Variants in RFFL observed in about 807,000 individuals in gnomAD.
The protein encoded by RFFL is ring finger and FYVE like domain containing E3 ubiquitin protein ligase.
RFFL carries 16 observed loss-of-function variants against 40.4 expected under a neutral mutation model. The observed-to-expected ratio is 0.40, with a 90% CI of 0.27 to 0.60. RFFL has a LOEUF of 0.60. RFFL is among the 20% of genes least tolerant of loss of function. The pLI is 0.47. For synonymous variants in RFFL, 154 were observed against 167.9 expected (o/e 0.92, Z 0.64); for missense variants, 367 against 451.7 (o/e 0.81, Z 1.70).
upstream of RFFL, among the ~76,000 whole-genome samples, chr17:35,066,000 C>G (rs964386828): frequency 9.2e-5 from 14 of 152,122 alleles, no homozygotes; most frequent in African/African-American, 3.4e-4. Context: ...TGGCATACAC[C>G]TCTAACCCCA....
At chr17:35,016,303 A>G (rs991287882) in intron 5 of RFFL, 67 bp downstream of exon 5, 2 of 1,421,072 alleles carry the variant, frequency 1.4e-6, no homozygotes, top group East Asian at 2.3e-5. Context: ...GGTCAATACC[A>G]TCATGCTTTG....
At position 35,021,587 on chromosome 17, in the gene RFFL, C is replaced by T. The variant is rs1480813423; in HGVS notation, c.375G>A (p.Glu125=). ...GGACCAAGAGCACCAGCTCTTCTTT[C>T]TCCCGGCACATTTCGGTAGAGATGT... ...LHDISTEMCR[E]KEELVLLVLG... The change falls in exon 3 of 7, where the codon GAG becomes GAA. Residue 125 remains glutamate, a synonymous_variant. Transcript: ENST00000394597. 6.2e-7 allele frequency: 1 copy of T among 1,614,104 alleles called. No individual in the cohort carries two copies. Among genetic ancestry groups the T allele is most frequent in the Non-Finnish European group, 8.5e-7 (1 of 1,180,048 alleles).
At chr17:35,080,552 TAAG>T (rs2091398818) in intron 1 of RFFL, among the ~76,000 whole-genome samples, 1 of 152,172 alleles carries the variant, frequency 6.6e-6, no homozygotes, top group South Asian at 2.1e-4. Context: ...ACGATTTACT[TAAG>T]AAAAGCTTTT....
intron 1 of RFFL, among the ~76,000 whole-genome samples, chr17:35,046,484 T>C (rs963556258): frequency 1.3e-5 from 2 of 151,926 alleles, no homozygotes; most frequent in Admixed American, 6.6e-5. Flanking sequence ...CCAAGCAAGG[T>C]GGAAGGAGAA....
At chr17:35,075,207 A>C (rs368819735) in intron 1 of RFFL, among the ~76,000 whole-genome samples, 2 of 152,224 alleles carry the variant, frequency 1.3e-5, no homozygotes, top group African/African-American at 4.8e-5. Flanking sequence ...ACAGTCATCA[A>C]GGAGGAAAGA....
intron 1 of RFFL, among the ~76,000 whole-genome samples, chr17:35,071,618 TC>T (rs1207167669): frequency 3.4e-5 from 5 of 148,108 alleles, no homozygotes; most frequent in African/African-American, 1.3e-4. Context: ...TGAGACACTG[TC>T]CAAAAAAAAA....
At chr17:35,021,230 G>A (rs1420742018) in intron 3 of RFFL, 141 bp downstream of exon 3, 2 of 796,424 alleles carry the variant, frequency 2.5e-6, no homozygotes, top group African/African-American at 3.6e-5. Flanking sequence ...GAAAACACTT[G>A]GTGCACCAGT....
At chr17:35,058,930 T>C (rs1271590051) in intron 1 of RFFL, among the ~76,000 whole-genome samples, 2 of 151,912 alleles carry the variant, frequency 1.3e-5, no homozygotes, top group East Asian at 3.9e-4. Context: ...GCAAAAGTGA[T>C]GATGTATGAC....
In RFFL at chr17:35,010,802, G is replaced by C. The variant is rs887561883; in HGVS notation, c.*1166C>G. 3 of 151,756 alleles carry C rather than the reference G, an allele frequency of 2.0e-5. No individual in the cohort carries two copies. Among genetic ancestry groups the C allele is most frequent in the Non-Finnish European group, 4.4e-5 (3 of 68,026 alleles). 9.4% of individuals were successfully genotyped at this position (151,756 alleles called of 1,614,324 possible). On this transcript the variant is annotated 3_prime_UTR_variant, in exon 7 of 7. Transcript: ENST00000394597. ...CTGCCCCCAAAAATCAGTGGGCTAG[G>C]AAAGGGAATGAAAGTAGGGTCTCCT...
intron 1 of RFFL, chr17:35,074,040 A>G (rs1311532572): frequency 6.6e-6 from 1 of 152,224 alleles, no homozygotes; most frequent in Non-Finnish European, 1.5e-5. Context: ...TTATGAATAA[A>G]ACTATTCTTT....
intron 4 of RFFL, 141 bp downstream of exon 4, chr17:35,017,381 AC>A (rs2090980651): frequency 3.1e-6 from 2 of 642,500 alleles, no homozygotes; most frequent in East Asian, 5.7e-5. Context: ...GAACACTAAC[AC>A]TAAACCCTAC....
Position 35,007,796 on chromosome 17 carries a change from A to G in RFFL, c.*4172T>C, listed in dbSNP as rs2090906114. ...ATTCAGGCTGGAGTGCAGTGGTGCA[A>G]TCTCAGCTCACTGCAACCTCTGCTT... On this transcript the variant is annotated 3_prime_UTR_variant, in exon 7 of 7. Coordinates refer to ENST00000394597, the MANE Select transcript of RFFL (RefSeq NM_001017368.2). 1 of 151,168 alleles carries G rather than the reference A, an allele frequency of 6.6e-6. No individual in the cohort carries two copies. The highest frequency in any genetic ancestry group is 2.1e-4 in the South Asian group (1 of 4,782). The allele number at this position is 151,168 out of a possible 1,614,324, so 9.4% of individuals were successfully genotyped here.
chr17:35,030,750 T>G (rs564653456), intron 1 of RFFL, among the ~76,000 whole-genome samples: 5 of 152,088 alleles, frequency 3.3e-5, no homozygotes, highest in African/African-American at 1.2e-4. Context: ...TTGTAATTCT[T>G]TAAATCACAC....
chr17:35,033,946 T>C (rs2091102384), intron 1 of RFFL, among the ~76,000 whole-genome samples: 2 of 151,664 alleles, frequency 1.3e-5, no homozygotes, highest in South Asian at 2.1e-4. Context: ...ATCGAGACCA[T>C]CCTGGCTAAC....
chr17:35,027,587 G>A (rs1337861339), intron 1 of RFFL, among the ~76,000 whole-genome samples: 3 of 152,050 alleles, frequency 2.0e-5, no homozygotes, highest in Non-Finnish European at 4.4e-5. Context: ...AGCAGGGTGT[G>A]GTGGCGCATG....
At chr17:35,031,925 C>A (rs1368467705) in intron 1 of RFFL, among the ~76,000 whole-genome samples, 1 of 151,818 alleles carries the variant, frequency 6.6e-6, no homozygotes, top group Admixed American at 6.6e-5. Flanking sequence ...GAAACCCCGT[C>A]TCTACTAAAA....
chr17:35,059,017 ATTTTTTTTTTTT>A (rs750015998), intron 1 of RFFL, among the ~76,000 whole-genome samples: 1 of 123,476 alleles, frequency 8.1e-6, no homozygotes, highest in Non-Finnish European at 1.7e-5. Flanking sequence ...TCGAGCTAGA[ATTTTTTTTTTTT>A]TTTTTTTTTG....
intron 1 of RFFL, among the ~76,000 whole-genome samples, chr17:35,086,676 C>T (rs1261783351): frequency 6.6e-6 from 1 of 152,162 alleles, no homozygotes. Flanking sequence ...TATGCGTTCT[C>T]ATTAAACTCT....
intron 1 of RFFL, among the ~76,000 whole-genome samples, chr17:35,032,297 A>G (rs1859891835): frequency 6.6e-6 from 1 of 151,966 alleles, no homozygotes; most frequent in African/African-American, 2.4e-5. Flanking sequence ...TAGAGTGCAC[A>G]CTTATAAGCA....
Sources: gnomAD v4.1 joint callset for allele counts (sites outside exome capture counted in the v4.1 genomes callset) on GRCh38, gnomAD v4.1.1 for gene constraint, MANE v1.5 for transcripts, NCBI Gene and HGNC (gene_info 2026-07-23, HGNC 2026-07-21) for gene names.